The following FAT3 variants were observed in gnomAD, a reference collection of about 807,000 sequenced individuals.
FAT3 encodes protocadherin Fat 3.
FAT3 carries 95 observed loss-of-function variants against 310.2 expected under a neutral mutation model. The observed-to-expected ratio is 0.31, with a 90% CI of 0.26 to 0.36. The LOEUF is 0.36. Among genes scored for constraint, FAT3 ranks in the 10% least tolerant of loss-of-function variants. The pLI is 1.00. For synonymous variants in FAT3, 2,314 were observed against 2,192.9 expected, an observed-to-expected ratio of 1.06 and a Z score of -1.54; for missense variants, 5,408 against 5,715.6, an observed-to-expected ratio of 0.95 and a Z score of 1.74.
At chr11:92,632,736 G>A (rs1337299109) in intron 3 of FAT3, among the ~76,000 whole-genome samples, 1 of 152,178 alleles carries the variant, frequency 6.6e-6, no homozygotes, top group Non-Finnish European at 1.5e-5. Context: ...AATGGCAGGA[G>A]GCAGAGAGGC....
intron 16 of FAT3, among the ~76,000 whole-genome samples, chr11:92,837,372 C>A (rs1246603842): frequency 2.0e-5 from 3 of 152,136 alleles, no homozygotes; most frequent in African/African-American, 7.2e-5. Flanking sequence ...CGTTTGGCAA[C>A]GTTTGGAGAC....
At chr11:92,391,456 A>G (rs546806820) in intron 2 of FAT3, among the ~76,000 whole-genome samples, 20 of 152,242 alleles carry the variant, frequency 1.3e-4, no homozygotes, top group South Asian at 4.1e-4. Flanking sequence ...CTTGGCCCCA[A>G]TGCTGCAGGC....
intron 3 of FAT3, among the ~76,000 whole-genome samples, chr11:92,556,607 A>G (rs539857966): frequency 1.2e-4 from 18 of 152,226 alleles, no homozygotes; most frequent in East Asian, 1.2e-3. Context: ...GAGGCCCTAC[A>G]CTGAGCGCGG....
At chr11:92,406,916 A>G (rs868404290) in intron 2 of FAT3, among the ~76,000 whole-genome samples, 1 of 152,286 alleles carries the variant, frequency 6.6e-6, no homozygotes, top group South Asian at 2.1e-4. Flanking sequence ...AATCCACTCT[A>G]CAGAGCATGA....
Position 92,355,296 on chromosome 11 carries a change from G to A in FAT3, c.3184G>A (p.Val1062Met), listed in dbSNP as rs774197887. 8.1e-6 allele frequency: 13 copies of A among 1,613,704 alleles called. No homozygotes were observed. Among genetic ancestry groups the A allele is most frequent in the African/African-American group, 1.3e-5 (1 of 74,908 alleles). ...GGAAAACTCACGCATTGGAACAAGC[G>A]TGCTGCAGGTGACTGCTCGAGATGA... Reference protein sequence around the residue: ...VKENSRIGTSVLQVTARDEDS... With the variant: ...VKENSRIGTSMLQVTARDEDS... The change falls in exon 2 of 28, where the codon GTG (valine) becomes ATG (methionine). Residue 1062 changes from valine to methionine, a missense_variant. This residue lies in a region of FAT3 where 4,588 missense variants were observed against 4,809.8 expected (regional missense o/e 0.95). Coordinates refer to ENST00000525166, the MANE Select transcript of FAT3 (RefSeq NM_001367949.2).
rs80273962 is a variant in FAT3 at position 92,877,868 on chromosome 11, A to G, written c.12128-2863A>G. Among the ~76,000 whole-genome samples, 94 of 152,346 alleles carry G rather than the reference A, an allele frequency of 6.2e-4. No individual in the cohort carries two copies. In the East Asian group the frequency reaches 0.015, roughly 25 times the overall value. ...GGGGTTACATCTCAATAAACTCATC[A>G]TAAGTTGGAAATACCTTAAGTAAAA... is the stretch of plus-strand genomic sequence containing the variant. On this transcript the variant is annotated intron_variant, in intron 22 of 27. Coordinates refer to ENST00000525166, the MANE Select transcript of FAT3 (RefSeq NM_001367949.2).
At chr11:92,669,671 T>G (rs1943070474) in intron 3 of FAT3, among the ~76,000 whole-genome samples, 1 of 152,062 alleles carries the variant, frequency 6.6e-6, no homozygotes, top group African/African-American at 2.4e-5. Flanking sequence ...TATCCAGAGG[T>G]GGGGTGGTAA....
chr11:92,706,930 C>T (rs888310513), intron 4 of FAT3, among the ~76,000 whole-genome samples: 3 of 152,178 alleles, frequency 2.0e-5, no homozygotes, highest in Non-Finnish European at 2.9e-5. Flanking sequence ...AGCCAAGGAA[C>T]GGAAGGGTGC....
chr11:92,858,930 C>A (rs1949050875), intron 20 of FAT3, among the ~76,000 whole-genome samples: 1 of 152,068 alleles, frequency 6.6e-6, no homozygotes, highest in Non-Finnish European at 1.5e-5. Context: ...TGGCATGAGG[C>A]AAATAAGATG....
In FAT3 at chr11:92,806,529, T is replaced by C. The variant is rs1947511693; in HGVS notation, c.9247+14T>C. ...ATCCAGAAAGTGGTAAGCTAAAATT[T>C]ATTATTGAGATAAATGTCATTGTTA... On this transcript the variant is annotated intron_variant, in intron 12 of 27. Transcript: ENST00000525166. 6.5e-7 allele frequency: 1 copy of C among 1,534,480 alleles called. No individual in the cohort carries two copies. Among genetic ancestry groups the C allele is most frequent in the Admixed American group, 2.1e-5 (1 of 47,792 alleles).
chr11:92,563,921 G>T (rs4301751), intron 3 of FAT3, among the ~76,000 whole-genome samples: 1 of 151,602 alleles, frequency 6.6e-6, no homozygotes, highest in Non-Finnish European at 1.5e-5. Context: ...GGTACCAGCC[G>T]CTGCAAAATC....
chr11:92,347,412 T>C (rs770259994), intron 1 of FAT3, among the ~76,000 whole-genome samples: 5 of 152,124 alleles, frequency 3.3e-5, no homozygotes, highest in Non-Finnish European at 7.4e-5. Flanking sequence ...ATAGAAAAGA[T>C]AGGAAGAGAG....
intron 4 of FAT3, among the ~76,000 whole-genome samples, chr11:92,754,700 C>CAA (rs34387938): frequency 4.4e-4 from 40 of 90,470 alleles, no homozygotes; most frequent in African/African-American, 1.4e-3. Flanking sequence ...ACTAAAAATA[C>CAA]AAAAAAAAAA....
chr11:92,887,250 C>T, intron 25 of FAT3, 137 bp downstream of exon 25: 1 of 713,364 alleles, frequency 1.4e-6, no homozygotes, highest in African/African-American at 1.8e-5. Context: ...CACCAGGTCC[C>T]TGGTTTACTC....
At chr11:92,317,630 G>A (rs935744782) in intron 1 of FAT3, among the ~76,000 whole-genome samples, 9 of 152,214 alleles carry the variant, frequency 5.9e-5, no homozygotes, top group African/African-American at 1.2e-4. Flanking sequence ...AGTGTATGCC[G>A]GAGACTAAAT....
chr11:92,850,951 A>G (rs1948814054), intron 19 of FAT3, among the ~76,000 whole-genome samples: 1 of 152,162 alleles, frequency 6.6e-6, no homozygotes, highest in Non-Finnish European at 1.5e-5. Context: ...AGTGACCTAA[A>G]TTTCCACCTG....
At chr11:92,306,482 A>ATATATATTTATATTATATATGT (rs1195656985) in intron 1 of FAT3, among the ~76,000 whole-genome samples, 42 of 130,870 alleles carry the variant, frequency 3.2e-4, no homozygotes, top group African/African-American at 1.2e-3. Flanking sequence ...ATAAACTTAT[A>ATATATATTTATATTATATATGT]TATATATTTA....
rs754514468 is a variant in FAT3 at position 92,355,319 on chromosome 11, T to G, written c.3207T>G (p.Asp1069Glu). The change falls in exon 2 of 28, where the codon GAT (aspartate) becomes GAG (glutamate). Residue 1069 changes from aspartate to glutamate, a missense_variant. By Grantham distance (45) the Asp-to-Glu change is conservative. Transcript: ENST00000525166. ...GCGTGCTGCAGGTGACTGCTCGAGATGAAGACTCCGGAAGGGATGGAGAGA... is the reference window on the plus strand; with the variant it reads ...GCGTGCTGCAGGTGACTGCTCGAGAGGAAGACTCCGGAAGGGATGGAGAGA... ...GTSVLQVTAR[D>E]EDSGRDGEIQ... is the part of the protein sequence containing the mutation. 3 of 1,613,782 alleles carry G rather than the reference T, an allele frequency of 1.9e-6. No individual in the cohort carries two copies. The East Asian group carries it at 6.7e-5, about 36-fold the overall frequency.
chr11:92,525,673 G>C, intron 3 of FAT3, among the ~76,000 whole-genome samples: 1 of 128,288 alleles, frequency 7.8e-6, no homozygotes, highest in East Asian at 2.6e-4. Context: ...TCTGAACAAA[G>C]GAGTAAAATA....
Sources: allele counts gnomAD v4.1 joint callset (sites outside exome capture counted in the v4.1 genomes callset), GRCh38; gene constraint gnomAD v4.1.1; regional missense constraint gnomAD v4.1.1; transcripts MANE v1.5; gene names NCBI Gene and HGNC (gene_info 2026-07-23, HGNC 2026-07-21).